Variants in DLGAP2 observed in about 807,000 individuals in gnomAD.
DLGAP2 encodes the protein DLG associated protein 2.
A neutral mutation model predicts 100.3 loss-of-function variants in DLGAP2; 26 were observed. The ratio of observed to expected loss-of-function variants is 0.26; its 90% CI spans 0.19 to 0.36. DLGAP2 has a LOEUF of 0.36. Among genes scored for constraint, DLGAP2 ranks in the 10% least tolerant of loss-of-function variants. The pLI, the probability that DLGAP2 is intolerant of heterozygous loss-of-function variation, is 1.00. For missense variants in DLGAP2, 1,858 were observed against 1,453.2 expected (o/e 1.28, Z -4.53); for synonymous variants, 886 against 630.1 (o/e 1.41, Z -6.08).
intron 5 of DLGAP2, among the ~76,000 whole-genome samples, chr8:1,551,092 C>A (rs999232501): frequency 6.6e-6 from 1 of 152,224 alleles, no homozygotes; most frequent in Non-Finnish European, 1.5e-5. Context: ...CTCAACAGCT[C>A]TGTTTTGAAA....
At position 1,190,492 on chromosome 8, in the gene DLGAP2, GGCAGCA is replaced by G. The variant is rs1563242312; in HGVS notation, c.74-68358_74-68353del. On this transcript the variant is annotated intron_variant, in intron 2 of 14. Coordinates refer to ENST00000637795, the MANE Select transcript of DLGAP2 (RefSeq NM_001346810.2). ...CACTTGGTGCCGGGCAATCTTTCCC[GGCAGCA>G]TCTCATGCAGGAGGCACCCGTCCCG... is the stretch of plus-strand genomic sequence containing the variant. Among the ~76,000 whole-genome samples the G allele has an allele frequency of 2.0e-5, 3 of 152,176 alleles. No individual in the cohort carries two copies. The East Asian group carries it at 5.8e-4, about 30-fold the overall frequency.
intron 8 of DLGAP2, among the ~76,000 whole-genome samples, chr8:1,648,043 C>G (rs775606416): frequency 6.6e-6 from 1 of 152,234 alleles, no homozygotes; most frequent in Non-Finnish European, 1.5e-5. Flanking sequence ...ATGCCCAAGG[C>G]CTGTGGCGAT....
chr8:985,763 T>C (rs1264653499), intron 2 of DLGAP2, among the ~76,000 whole-genome samples: 4 of 152,230 alleles, frequency 2.6e-5, no homozygotes, highest in Non-Finnish European at 4.4e-5. Flanking sequence ...CGCTTATCTT[T>C]GGCCTTTTGA....
chr8:1,669,400 A>AG (rs1238425647), intron 9 of DLGAP2, among the ~76,000 whole-genome samples: 2 of 152,220 alleles, frequency 1.3e-5, no homozygotes, highest in East Asian at 3.8e-4. Context: ...TTGTGCACCC[A>AG]GGGAGGCCGG....
intron 2 of DLGAP2, among the ~76,000 whole-genome samples, chr8:1,161,865 G>A (rs1796896767): frequency 6.6e-6 from 1 of 152,248 alleles, no homozygotes; most frequent in Admixed American, 6.5e-5. Context: ...GCCTGCAGGT[G>A]CCCTCTGGAG....
intron 3 of DLGAP2, among the ~76,000 whole-genome samples, chr8:1,498,923 C>T (rs768780777): frequency 2.0e-5 from 3 of 152,218 alleles, no homozygotes; most frequent in Non-Finnish European, 4.4e-5. Context: ...ACACCGCACT[C>T]GGAAACCTTC....
intron 3 of DLGAP2, chr8:1,301,694 T>A (rs1019343481): frequency 6.6e-6 from 1 of 152,160 alleles, no homozygotes; most frequent in African/African-American, 2.4e-5. Context: ...TGATTCCAGG[T>A]TGGGATGAGT....
chr8:811,767 C>T (rs959707500), intron 1 of DLGAP2, among the ~76,000 whole-genome samples: 16 of 152,312 alleles, frequency 1.1e-4, no homozygotes, highest in South Asian at 1.0e-3. Flanking sequence ...GGGCTCCTGC[C>T]GTGGTGAGAG....
intron 4 of DLGAP2, among the ~76,000 whole-genome samples, chr8:1,503,242 T>C (rs914146140): frequency 1.3e-5 from 2 of 152,184 alleles, no homozygotes. Flanking sequence ...TAGAACTTTT[T>C]CCTCTTCTGC....
At chr8:1,334,716 G>A (rs139638610) in intron 3 of DLGAP2, among the ~76,000 whole-genome samples, 103 of 152,128 alleles carry the variant, frequency 6.8e-4, no homozygotes, top group South Asian at 5.4e-3. Flanking sequence ...CAGCCAGGCC[G>A]TGTGCCTTCT....
At chr8:1,031,559 C>T (rs999549642) in intron 2 of DLGAP2, among the ~76,000 whole-genome samples, 5 of 152,054 alleles carry the variant, frequency 3.3e-5, no homozygotes, top group African/African-American at 1.2e-4. Flanking sequence ...CTATAGGGTG[C>T]ATGTCACCAT....
rs567340925 is a variant in DLGAP2, at chr8:1,705,970, A to C, written c.*4564A>C. The C allele has an allele frequency of 6.6e-6, 1 of 152,336 alleles. No homozygotes were observed. The highest frequency in any genetic ancestry group is 2.4e-5 in the African/African-American group (1 of 41,586). 9.4% of individuals were successfully genotyped at this position (152,336 alleles called of 1,614,324 possible). On this transcript the variant is annotated 3_prime_UTR_variant, in exon 15 of 15. Coordinates refer to ENST00000637795, the MANE Select transcript of DLGAP2 (RefSeq NM_001346810.2). ...TGGGTCAATGCAGTGTGCTTCATTCAGGGCCATGTGGCAGCCATGACACAC... is the reference window on the plus strand; with the variant it reads ...TGGGTCAATGCAGTGTGCTTCATTCCGGGCCATGTGGCAGCCATGACACAC...
At chr8:1,122,216 A>G (rs1373112586) in intron 2 of DLGAP2, among the ~76,000 whole-genome samples, 2 of 152,198 alleles carry the variant, frequency 1.3e-5, no homozygotes, top group Non-Finnish European at 2.9e-5. Flanking sequence ...GAAGAATGAA[A>G]TGGGACATCA....
chr8:925,631 G>A (rs1372192309), intron 2 of DLGAP2, among the ~76,000 whole-genome samples: 1 of 152,108 alleles, frequency 6.6e-6, no homozygotes, highest in Non-Finnish European at 1.5e-5. Context: ...GAAGTCGTTG[G>A]ATATATGTGG....
intron 3 of DLGAP2, among the ~76,000 whole-genome samples, chr8:1,335,282 A>G (rs1801248748): frequency 6.6e-6 from 1 of 152,184 alleles, no homozygotes; most frequent in African/African-American, 2.4e-5. Flanking sequence ...AGGGCGGCCT[A>G]ATGAGGATGC....
intron 10 of DLGAP2, among the ~76,000 whole-genome samples, chr8:1,670,227 C>G (rs1375552875): frequency 6.6e-6 from 1 of 152,222 alleles, no homozygotes; most frequent in Non-Finnish European, 1.5e-5. Context: ...GCAGTACCGA[C>G]TTTATCTGAA....
chr8:1,268,405 C>T (rs967674321), intron 3 of DLGAP2, among the ~76,000 whole-genome samples: 1 of 152,130 alleles, frequency 6.6e-6, no homozygotes, highest in Non-Finnish European at 1.5e-5. Flanking sequence ...CTCAGTAATT[C>T]ATAATAAACT....
At chr8:1,163,858 G>A (rs758978617) in intron 2 of DLGAP2, among the ~76,000 whole-genome samples, 4 of 152,188 alleles carry the variant, frequency 2.6e-5, no homozygotes, top group Non-Finnish European at 5.9e-5. Context: ...GCTCAGCACT[G>A]CGGCTGCCGA....
At chr8:1,448,412 A>T (rs1457442854) in intron 3 of DLGAP2, among the ~76,000 whole-genome samples, 1 of 152,140 alleles carries the variant, frequency 6.6e-6, no homozygotes, top group Non-Finnish European at 1.5e-5. Flanking sequence ...TGAGTTTCTT[A>T]GTCCTGACTT....
Sources: allele counts gnomAD v4.1 joint callset (sites outside exome capture counted in the v4.1 genomes callset), GRCh38; gene constraint gnomAD v4.1.1; transcripts MANE v1.5; gene names NCBI Gene and HGNC (gene_info 2026-07-23, HGNC 2026-07-21).